The following NR4A1 variants were observed in gnomAD, a reference collection of about 807,000 sequenced individuals.
NR4A1 encodes the protein nuclear receptor subfamily 4immunitygroup A member 1.
NR4A1 carries 24 observed loss-of-function variants against 47.5 expected under a neutral mutation model. The ratio of observed to expected loss-of-function variants is 0.50; its 90% confidence interval spans 0.37 to 0.71. The LOEUF (loss-of-function observed/expected upper bound fraction) is 0.71, where lower values mean the gene tolerates loss of function less well. Ranked by LOEUF, NR4A1 falls within the 30% of genes least tolerant of loss-of-function variation. The pLI, the probability that NR4A1 is intolerant of heterozygous loss-of-function variation, is 0.00. For synonymous variants in NR4A1, 353 were observed against 345.7 expected (o/e 1.02, Z -0.24); for missense variants, 669 against 788.6 (o/e 0.85, Z 1.82).
In NR4A1 at chr12:52,055,629, A is replaced by G. The variant is rs1939221253; in HGVS notation, c.877-401A>G. On this transcript the variant is annotated intron_variant, in intron 2 of 6. Coordinates refer to ENST00000394825, the MANE Select transcript of NR4A1 (RefSeq NM_173157.3). ...CTTGAGGGCTGGGGGTGGACTTGGG[A>G]ACAGGCTGTGTGTTTGTCCCAGCGA... 8 of 417,596 alleles carry G rather than the reference A, an allele frequency of 1.9e-5. No homozygotes were observed. In the East Asian group the frequency reaches 2.7e-4, roughly 14 times the overall value. 25.9% of individuals were successfully genotyped at this position (417,596 alleles called of 1,614,324 possible). A position where few individuals can be genotyped will look rare whatever the true frequency, so the allele number is the denominator to read the frequency against.
chr12:52,046,937 G>A (rs531268456), upstream of NR4A1, among the ~76,000 whole-genome samples: 5 of 152,292 alleles, frequency 3.3e-5, no homozygotes, highest in African/African-American at 1.2e-4. Flanking sequence ...TGTGCAAAGT[G>A]GGTGGTGGGA....
intron 6 of NR4A1, 99 bp downstream of exon 6, chr12:52,057,629 T>A (rs1160653618): frequency 7.2e-7 from 1 of 1,390,404 alleles, no homozygotes. Flanking sequence ...TGGGCCGGGA[T>A]CTAGCACTTT....
At chr12:52,038,507 G>A (rs948595780) in intron 1 of NR4A1, 1 of 542,358 alleles carries the variant, frequency 1.8e-6, no homozygotes, top group Non-Finnish European at 3.3e-6. Flanking sequence ...AGGCTGGGCA[G>A]AGGTTGGTAG....
intron 2 of NR4A1, among the ~76,000 whole-genome samples, chr12:52,044,463 G>A (rs535070134): frequency 2.6e-5 from 4 of 152,244 alleles, no homozygotes; most frequent in Middle Eastern, 6.8e-3. Context: ...AACACGCTCC[G>A]GGACCTGGGC....
intron 1 of NR4A1, chr12:52,038,029 C>T (rs2120950152): frequency 1.0e-6 from 1 of 986,998 alleles, no homozygotes; most frequent in Non-Finnish European, 1.2e-6. Flanking sequence ...GGGCAGGGCA[C>T]AGTTCCTTGA....
intron 1 of NR4A1, among the ~76,000 whole-genome samples, chr12:52,030,743 G>A (rs1157788543): frequency 6.6e-6 from 1 of 151,956 alleles, no homozygotes; most frequent in Non-Finnish European, 1.5e-5. Context: ...TAACCTTTTA[G>A]AGCCTCAGTT....
chr12:52,031,161 C>T (rs965811757), intron 1 of NR4A1, among the ~76,000 whole-genome samples: 19 of 151,980 alleles, frequency 1.3e-4, no homozygotes, highest in Non-Finnish European at 2.5e-4. Context: ...ACCATAGTCC[C>T]GTAACACCAA....
At chr12:52,032,752 T>C (rs551208796) in intron 1 of NR4A1, among the ~76,000 whole-genome samples, 2 of 152,296 alleles carry the variant, frequency 1.3e-5, no homozygotes, top group South Asian at 4.1e-4. Context: ...TAAATAGTTT[T>C]TGCACCTTTT....
rs780069174 is a variant in NR4A1, at chr12:52,058,736, G to T, written c.1589G>T (p.Arg530Leu). 1.2e-6 allele frequency: 2 copies of T among 1,611,028 alleles called. No homozygotes were observed. Among genetic ancestry groups the T allele is most frequent in the South Asian group, 1.1e-5 (1 of 90,944 alleles). Reference sequence around the variant, plus strand: ...CGGCGGGTGGAGGAGCTGCAGAACCGCATCGCCAGCTGCCTGAAGGAGCAC... The same window carrying T: ...CGGCGGGTGGAGGAGCTGCAGAACCTCATCGCCAGCTGCCTGAAGGAGCAC... ...EPRRVEELQN[R>L]IASCLKEHVA... Residue 530 changes from arginine to leucine, a missense_variant, in exon 7 of 7, where the codon CGC (arginine) becomes CTC (leucine). Physicochemically the swap from Arg to Leu is moderately radical, Grantham distance 102 (BLOSUM62 -2). Transcript: ENST00000394825.
In NR4A1 at chr12:52,058,850, A is replaced by G. The variant is rs762302331; in HGVS notation, c.1703A>G (p.Gln568Arg). The change falls in exon 7 of 7, where the codon CAG becomes CGG. Residue 568 changes from glutamine (Q) to arginine (R), a missense_variant. Transcript: ENST00000394825. ...KLPELRTLCT[Q>R]GLQRIFYLKL... ...CCCGAGCTGCGGACCCTGTGCACCC[A>G]GGGCCTGCAGCGCATCTTCTACCTC... is the stretch of plus-strand genomic sequence containing the variant. 6.2e-7 allele frequency: 1 copy of G among 1,614,084 alleles called. No homozygotes were observed. The highest frequency in any genetic ancestry group is 1.1e-5 in the South Asian group (1 of 91,090).
chr12:52,056,723 C>T lies in NR4A1; in HGVS notation c.1158+78C>T, dbSNP rs1031694470. 9.8e-6 allele frequency: 14 copies of T among 1,430,990 alleles called. No homozygotes were observed. The African/African-American group carries it at 1.9e-4, about 19-fold the overall frequency. The allele number at this position is 1,430,990 out of a possible 1,614,324, so 88.6% of individuals were successfully genotyped here. A position where few individuals can be genotyped will look rare whatever the true frequency, so the allele number is the denominator to read the frequency against. ...CCTTTGTGCGTGTTAGGAGAGCTAC[C>T]CCCTCTGGAAGGACTGAATGAGAAA... is the stretch of plus-strand genomic sequence containing the variant. On this transcript the variant is annotated intron_variant, in intron 4 of 6. Coordinates refer to ENST00000394825, the MANE Select transcript of NR4A1 (RefSeq NM_173157.3).
Position 52,055,215 on chromosome 12 carries a change from G to A in NR4A1, c.876+11G>A, listed in dbSNP as rs1333818652. ...AAGGGCTTCTTCAAGGTACCGCGCA[G>A]CCCCAGGTGGGGCCTTTTGTTGGAA... On this transcript the variant is annotated intron_variant, in intron 2 of 6. Transcript: ENST00000394825. 1 of 1,609,768 alleles carries A rather than the reference G, an allele frequency of 6.2e-7. No homozygotes were observed. The highest frequency in any genetic ancestry group is 2.2e-5 in the East Asian group (1 of 44,880).
chr12:52,047,042 G>C (rs1360784900), upstream of NR4A1, among the ~76,000 whole-genome samples: 2 of 148,594 alleles, frequency 1.3e-5, no homozygotes, highest in East Asian at 3.9e-4. Context: ...GCCTGACTAG[G>C]TGGGGCTGTC....
intron 1 of NR4A1, chr12:52,041,663 G>A (rs1053815790): frequency 2.2e-5 from 19 of 882,442 alleles, no homozygotes; most frequent in South Asian, 5.2e-5. Context: ...TGCCTAACCC[G>A]GGGAGGTCCT....
At chr12:52,023,649 C>T (rs1937935467) in intron 1 of NR4A1, among the ~76,000 whole-genome samples, 1 of 152,114 alleles carries the variant, frequency 6.6e-6, no homozygotes, top group African/African-American at 2.4e-5. Context: ...CCTGGCCCGC[C>T]GGTGACCTCC....
At position 52,057,052 on chromosome 12, in the gene NR4A1, C is replaced by A; in HGVS notation, c.1159-5C>A. 1 of 1,590,446 alleles carries A rather than the reference C, an allele frequency of 6.3e-7. No individual in the cohort carries two copies. Among genetic ancestry groups the A allele is most frequent in the Non-Finnish European group, 8.6e-7 (1 of 1,167,576 alleles). Reference sequence around the variant, plus strand: ...GGTGCTGACCCCACTGGACCGTCTTCCTAGTTCCAGGAGCTGGTGCTGCCC... The same window carrying A: ...GGTGCTGACCCCACTGGACCGTCTTACTAGTTCCAGGAGCTGGTGCTGCCC... On this transcript the variant is annotated splice_polypyrimidine_tract_variant and splice_region_variant and intron_variant, in intron 4 of 6. Transcript: ENST00000394825.
At position 52,054,730 on chromosome 12, in the gene NR4A1, C is replaced by T. The variant is rs535460866; in HGVS notation, c.402C>T (p.Ser134=). 2 of 1,613,096 alleles carry T rather than the reference C, an allele frequency of 1.2e-6. No individual in the cohort carries two copies. The highest frequency in any genetic ancestry group is 4.5e-5 in the East Asian group (2 of 44,888). ...LSSSGSDYYG[S]PCSAPSPSTP... is the part of the protein sequence containing the mutation. ...CCAGTGGCTCTGACTACTATGGCAG[C>T]CCCTGCTCGGCCCCGTCGCCCTCCA... is the stretch of plus-strand genomic sequence containing the variant. The change falls in exon 2 of 7, where the codon AGC becomes AGT. Residue 134 remains serine (S), a synonymous_variant. Coordinates refer to ENST00000394825, the MANE Select transcript of NR4A1 (RefSeq NM_173157.3).
intron 1 of NR4A1, chr12:52,037,844 G>A (rs1738106232): frequency 1.0e-6 from 1 of 985,426 alleles, no homozygotes; most frequent in Non-Finnish European, 1.2e-6. Flanking sequence ...CAAGGCTGGG[G>A]GTCTCGTGGA....
chr12:52,040,725 A>G (rs1335458161), intron 1 of NR4A1, among the ~76,000 whole-genome samples: 1 of 151,998 alleles, frequency 6.6e-6, no homozygotes, highest in African/African-American at 2.4e-5. Context: ...TGGCCTGTAG[A>G]CCTTGGGCAA....
Sources: allele counts gnomAD v4.1 joint callset (sites outside exome capture counted in the v4.1 genomes callset), GRCh38; gene constraint gnomAD v4.1.1; transcripts MANE v1.5; gene names NCBI Gene and HGNC (gene_info 2026-07-23, HGNC 2026-07-21).